LRFN5: variants seen among roughly 807,000 people sequenced by gnomAD.
The protein encoded by LRFN5 is leucine rich repeat and fibronectin type III domain containing 5.
In LRFN5, 24 loss-of-function variants were observed where a neutral mutation model predicts 45.6. The ratio of observed to expected loss-of-function variants is 0.53; its 90% CI spans 0.38 to 0.74. The LOEUF (loss-of-function observed/expected upper bound fraction) is 0.74. Among genes scored for constraint, LRFN5 ranks in the 30% least tolerant of loss-of-function variants. The pLI, the probability that LRFN5 is intolerant of heterozygous loss-of-function variation, is 0.00. For synonymous variants in LRFN5, 340 were observed against 313.8 expected, an observed-to-expected ratio of 1.08 and a Z score of -0.88; for missense variants, 776 against 861.5, an observed-to-expected ratio of 0.90 and a Z score of 1.24.
intron 1 of LRFN5, among the ~76,000 whole-genome samples, chr14:41,759,673 A>G (rs1385400214): frequency 6.6e-6 from 1 of 152,318 alleles, no homozygotes; most frequent in Non-Finnish European, 1.5e-5. Context: ...GTGCTTTGCT[A>G]TAATGCCATT....
At position 41,654,626 on chromosome 14, in the gene LRFN5, A is replaced by G. The variant is rs542463586; in HGVS notation, c.-197+46064A>G. Among the ~76,000 whole-genome samples, 3 of 152,198 alleles carry G rather than the reference A, an allele frequency of 2.0e-5. No individual in the cohort carries two copies. In the East Asian group the frequency reaches 5.8e-4, roughly 30 times the overall value. ...CTGAGTATAGGGACTAGGAAAACTC[A>G]ATACATTTTCAAGAAGAGAGAATAA... On this transcript the variant is annotated intron_variant, in intron 1 of 5. Coordinates refer to ENST00000298119, the MANE Select transcript of LRFN5 (RefSeq NM_152447.5).
chr14:41,753,944 A>T (rs1276740892), intron 1 of LRFN5, among the ~76,000 whole-genome samples: 1 of 152,074 alleles, frequency 6.6e-6, no homozygotes, highest in Non-Finnish European at 1.5e-5. Context: ...TCCCATCAAT[A>T]CCTAATTTAT....
intron 1 of LRFN5, among the ~76,000 whole-genome samples, chr14:41,761,473 A>G (rs537206247): frequency 6.6e-6 from 1 of 152,188 alleles, no homozygotes; most frequent in Non-Finnish European, 1.5e-5. Context: ...ACTGACATAC[A>G]TATTAGTGTG....
At chr14:41,613,261 T>C (rs374484685) in intron 1 of LRFN5, among the ~76,000 whole-genome samples, 2 of 152,180 alleles carry the variant, frequency 1.3e-5, no homozygotes, top group East Asian at 3.9e-4. Flanking sequence ...ATGTCTTCTT[T>C]GGGCATATAC....
At chr14:41,653,355 G>A (rs1274135443) in intron 1 of LRFN5, among the ~76,000 whole-genome samples, 2 of 152,006 alleles carry the variant, frequency 1.3e-5, no homozygotes, top group Non-Finnish European at 2.9e-5. Context: ...TGTAAGGTAG[G>A]GTTCAGTTTC....
At chr14:41,724,369 T>G (rs1883844430) in intron 1 of LRFN5, among the ~76,000 whole-genome samples, 1 of 152,194 alleles carries the variant, frequency 6.6e-6, no homozygotes, top group Non-Finnish European at 1.5e-5. Context: ...CATTTACATT[T>G]AGAGCATAAG....
intron 2 of LRFN5, among the ~76,000 whole-genome samples, chr14:41,861,098 A>G (rs915952298): frequency 6.6e-6 from 1 of 152,144 alleles, no homozygotes; most frequent in Non-Finnish European, 1.5e-5. Context: ...TTAATTTAAT[A>G]TGTTATCTCC....
At chr14:41,722,856 G>A (rs1318694059) in intron 1 of LRFN5, among the ~76,000 whole-genome samples, 1 of 152,154 alleles carries the variant, frequency 6.6e-6, no homozygotes, top group Admixed American at 6.5e-5. Context: ...GTGCTCCTAA[G>A]GTGGGGGACA....
intron 1 of LRFN5, among the ~76,000 whole-genome samples, chr14:41,630,424 G>A (rs1021803547): frequency 4.6e-5 from 7 of 152,084 alleles, no homozygotes; most frequent in Non-Finnish European, 8.8e-5. Flanking sequence ...AAGGGTTTCT[G>A]AAGACTGCTT....
intron 5 of LRFN5, 137 bp from the exon 6 acceptor site, chr14:41,904,021 T>C (rs1030810825): frequency 2.8e-4 from 190 of 667,454 alleles, no homozygotes; most frequent in Middle Eastern, 4.1e-4. Flanking sequence ...GTGCTGTATT[T>C]CATGGCAAGC....
intron 2 of LRFN5, among the ~76,000 whole-genome samples, chr14:41,852,901 A>G (rs1889321196): frequency 6.6e-6 from 1 of 151,892 alleles, no homozygotes; most frequent in Admixed American, 6.6e-5. Context: ...GATGCTTCAA[A>G]TGGAGGGTAT....
chr14:41,865,901 TGTTG>T (rs762166378), intron 2 of LRFN5, among the ~76,000 whole-genome samples: 29 of 152,200 alleles, frequency 1.9e-4, no homozygotes, highest in Non-Finnish European at 3.2e-4. Flanking sequence ...AATTATAATC[TGTTG>T]GTCTTCCTAT....
At chr14:41,778,656 C>A (rs1886377617) in intron 2 of LRFN5, among the ~76,000 whole-genome samples, 1 of 151,760 alleles carries the variant, frequency 6.6e-6, no homozygotes, top group Non-Finnish European at 1.5e-5. Context: ...TATGGAGCTA[C>A]CACTCAGTTC....
chr14:41,687,518 C>CT (rs1882175085), intron 1 of LRFN5, among the ~76,000 whole-genome samples: 1 of 152,144 alleles, frequency 6.6e-6, no homozygotes, highest in African/African-American at 2.4e-5. Context: ...AATCATTCTA[C>CT]TATAAAGACA....
At position 41,887,444 on chromosome 14, in the gene LRFN5, C is replaced by T; in HGVS notation, c.819C>T (p.Tyr273=). 1.9e-6 allele frequency: 3 copies of T among 1,614,162 alleles called. No individual in the cohort carries two copies. Among genetic ancestry groups the T allele is most frequent in the Non-Finnish European group, 2.5e-6 (3 of 1,180,040 alleles). ...CASPPLLTGR[Y]FWSIPEEEFL... is the part of the protein sequence containing the mutation. Reference sequence around the variant, plus strand: ...CTCCTCCACTTTTAACTGGCCGCTACTTTTGGTCAATTCCTGAAGAAGAGT... The same window carrying T: ...CTCCTCCACTTTTAACTGGCCGCTATTTTTGGTCAATTCCTGAAGAAGAGT... The change falls in exon 3 of 6, where the codon TAC becomes TAT. Residue 273 remains tyrosine, a synonymous_variant. Transcript: ENST00000298119. This position sits in a 1 kb window ranked among gnomAD's most constrained non-coding sequence, Gnocchi z 4.8.
chr14:41,699,359 A>T (rs1882745700), intron 1 of LRFN5: 1 of 152,124 alleles, frequency 6.6e-6, no homozygotes, highest in African/African-American at 2.4e-5. Flanking sequence ...CATCTTTCTC[A>T]GTTGCCTTAG....
intron 2 of LRFN5, among the ~76,000 whole-genome samples, chr14:41,815,506 G>T (rs1014912187): frequency 1.3e-5 from 2 of 152,084 alleles, no homozygotes; most frequent in Non-Finnish European, 2.9e-5. Context: ...GGGAAGTTGA[G>T]GCAGGAAGAT....
At chr14:41,827,615 T>C (rs1365468966) in intron 2 of LRFN5, among the ~76,000 whole-genome samples, 2 of 151,978 alleles carry the variant, frequency 1.3e-5, no homozygotes, top group Admixed American at 1.3e-4. Context: ...CCATCTGATA[T>C]TAATTTTTCC....
In LRFN5 at chr14:41,657,597, A is replaced by G. The variant is rs112357400; in HGVS notation, c.-197+49035A>G. On this transcript the variant is annotated intron_variant, in intron 1 of 5. Transcript: ENST00000298119. ...ATGCCTTTTAAAACCTTTTGATTTT[A>G]CAGGCACCTTATAATATGTGAGAAA... 6.3e-3 allele frequency among the ~76,000 whole-genome samples: 960 copies of G among 152,130 alleles called. 16 individuals carry two copies. Among genetic ancestry groups the G allele is most frequent in the African/African-American group, 0.022 (935 of 41,566 alleles).
Sources: allele counts gnomAD v4.1 joint callset (sites outside exome capture counted in the v4.1 genomes callset), GRCh38; gene constraint gnomAD v4.1.1; non-coding constraint Gnocchi (gnomAD v3.1); transcripts MANE v1.5; gene names NCBI Gene and HGNC (gene_info 2026-07-23, HGNC 2026-07-21).